TRMT2B: variants seen among roughly 807,000 people sequenced by gnomAD.
TRMT2B encodes the protein tRNA methyltransferase 2B.
A neutral mutation model predicts 39.7 loss-of-function variants in TRMT2B; 34 were observed. That is an observed-to-expected ratio of 0.86 (90% confidence interval 0.65 to 1.14). TRMT2B has a LOEUF of 1.14. TRMT2B is among the 50% of genes most tolerant of loss of function. The pLI is 0.00. For synonymous variants in TRMT2B, 132 were observed against 137.3 expected (o/e 0.96, Z 0.27); for missense variants, 318 against 377.2 (o/e 0.84, Z 1.30).
At chrX:100,990,586 T>C in the TRMT2B span, 1 of 1,159,785 alleles carries the variant, frequency 8.6e-7, no homozygotes, top group Non-Finnish European at 1.2e-6. Context: ...CTATACTCAC[T>C]GAGAGGCTCA....
At chrX:100,977,936 T>C in the TRMT2B span, among the ~76,000 whole-genome samples, 24 of 112,264 alleles carry the variant, frequency 2.1e-4, no homozygotes, top group South Asian at 9.0e-3. Flanking sequence ...CTTCCAAATC[T>C]GGGCTATTGT....
At chrX:101,031,130 C>T (rs1229091028) in intron 7 of TRMT2B, among the ~76,000 whole-genome samples, 1 of 110,630 alleles carries the variant, frequency 9.0e-6, no homozygotes, top group East Asian at 2.9e-4. Context: ...TGCCACCACC[C>T]CCATCTAAAT....
intron 4 of TRMT2B, among the ~76,000 whole-genome samples, chrX:101,040,233 G>A (rs1405698689): frequency 9.2e-6 from 1 of 108,677 alleles, no homozygotes; most frequent in Non-Finnish European, 1.9e-5. Context: ...GACAGAGGTT[G>A]CAGTGAGCTG....
At chrX:100,984,815 GGGTA>G in the TRMT2B span, among the ~76,000 whole-genome samples, 1 of 112,040 alleles carries the variant, frequency 8.9e-6, no homozygotes, top group Non-Finnish European at 1.9e-5. Context: ...TACTTGAGCT[GGGTA>G]TTGAAGGGTG....
At chrX:101,003,157 C>A in the TRMT2B span, among the ~76,000 whole-genome samples, 2 of 107,956 alleles carry the variant, frequency 1.9e-5, no homozygotes, top group African/African-American at 6.8e-5. Flanking sequence ...CTCAAGAAAT[C>A]CTCCAGCTTC....
the TRMT2B span, among the ~76,000 whole-genome samples, chrX:100,978,624 G>GTT: frequency 1.9e-5 from 2 of 102,735 alleles, no homozygotes; most frequent in East Asian, 3.0e-4. Flanking sequence ...CAGATCATGT[G>GTT]TTTTTTTTTT....
chrX:101,033,894 G>A (rs1431175872), intron 7 of TRMT2B, among the ~76,000 whole-genome samples: 2 of 106,110 alleles, frequency 1.9e-5, no homozygotes, highest in Non-Finnish European at 3.9e-5. Flanking sequence ...CCAGGCTGGA[G>A]TACAGTGGCA....
In TRMT2B at chrX:101,019,025, G is replaced by A. The variant is rs768238349; in HGVS notation, c.1334C>T (p.Thr445Met). The A allele has an allele frequency of 8.3e-6, 10 of 1,206,872 alleles. No homozygotes were observed. The highest frequency in any genetic ancestry group is 3.5e-5 in the African/African-American group (2 of 57,137). Reference sequence around the variant, plus strand: ...GAGCTTGCAGGAAACAAAAACTAGCGTGTGGATGGCCCTGAAGTTTCGAAT... The same window carrying A: ...GAGCTTGCAGGAAACAAAAACTAGCATGTGGATGGCCCTGAAGTTTCGAAT... Reference protein sequence around the residue: ...QAIRNFRAIHTLVFVSCKLHG... With the variant: ...QAIRNFRAIHMLVFVSCKLHG... The change falls in exon 13 of 14, where the codon ACG becomes ATG. Residue 445 changes from threonine (T) to methionine (M), a missense_variant. Physicochemically the swap from Thr to Met is moderately conservative, Grantham distance 81. Transcript: ENST00000372936.
chrX:101,041,176 C>G (rs1319197369), intron 4 of TRMT2B, 141 bp downstream of exon 4: 7 of 475,158 alleles, frequency 1.5e-5, no homozygotes, highest in African/African-American at 9.7e-5. Flanking sequence ...TGAACTGCAG[C>G]CTGGGCGACA....
chrX:100,993,921 A>G, the TRMT2B span, among the ~76,000 whole-genome samples: 1 of 112,018 alleles, frequency 8.9e-6, no homozygotes, highest in Non-Finnish European at 1.9e-5. Context: ...GTAAAGTTTA[A>G]AAGGGATGAT....
At chrX:101,017,629 T>C (rs1056111743) in intron 13 of TRMT2B, among the ~76,000 whole-genome samples, 1 of 112,271 alleles carries the variant, frequency 8.9e-6, no homozygotes, top group Admixed American at 9.5e-5. Context: ...AAAATCAAAA[T>C]AGCTGACCAG....
the TRMT2B span, among the ~76,000 whole-genome samples, chrX:100,994,873 C>T: frequency 2.7e-5 from 3 of 111,584 alleles, no homozygotes; most frequent in Non-Finnish European, 5.6e-5. Context: ...TGGGCTTAAG[C>T]AATCCTCCCA....
At chrX:100,988,869 T>TGAG in the TRMT2B span, among the ~76,000 whole-genome samples, 1 of 100,038 alleles carries the variant, frequency 1.0e-5, no homozygotes, top group African/African-American at 3.7e-5. Flanking sequence ...TATATATATA[T>TGAG]ATATATATAT....
At chrX:101,043,797 T>C (rs1192928726) in intron 2 of TRMT2B, 1 of 112,087 alleles carries the variant, frequency 8.9e-6, no homozygotes, top group African/African-American at 3.2e-5. Context: ...TAGTTCACCT[T>C]AAGGAATAGA....
chrX:100,992,267 G>T, the TRMT2B span, among the ~76,000 whole-genome samples: 1 of 111,415 alleles, frequency 9.0e-6, no homozygotes, highest in Non-Finnish European at 1.9e-5. Context: ...GCTACTTAAA[G>T]CCAGAAAGAA....
chrX:101,048,301 G>A (rs999005332), intron 2 of TRMT2B, among the ~76,000 whole-genome samples: 1 of 111,034 alleles, frequency 9.0e-6, no homozygotes, highest in Admixed American at 9.7e-5. Flanking sequence ...ACATTTGGGG[G>A]ATTTCAAATT....
chrX:100,987,458 G>C, the TRMT2B span: 26 of 1,209,225 alleles, frequency 2.2e-5, no homozygotes, highest in Non-Finnish European at 2.9e-5. Flanking sequence ...GACTGCGCTG[G>C]CTATTAGCTG....
the TRMT2B span, among the ~76,000 whole-genome samples, chrX:100,984,385 C>T: frequency 2.0e-4 from 22 of 110,373 alleles, no homozygotes; most frequent in African/African-American, 6.9e-4. Flanking sequence ...GTGATCTGCC[C>T]GCCTCAGCCT....
intron 2 of TRMT2B, among the ~76,000 whole-genome samples, chrX:101,049,876 A>G (rs1430435062): frequency 9.0e-6 from 1 of 111,675 alleles, no homozygotes; most frequent in East Asian, 2.8e-4. Flanking sequence ...ATGAAGAGGC[A>G]AGAGACATAA....
Sources: allele counts gnomAD v4.1 joint callset (sites outside exome capture counted in the v4.1 genomes callset), GRCh38; gene constraint gnomAD v4.1.1; transcripts MANE v1.5; gene names NCBI Gene and HGNC (gene_info 2026-07-23, HGNC 2026-07-21).